Variants in ZNF846 observed in about 807,000 individuals in gnomAD.
ZNF846 encodes zinc finger protein 420 pseudogene.
In ZNF846, 15 loss-of-function variants were observed where a neutral mutation model predicts 16.0. The observed-to-expected ratio is 0.94, with a 90% CI of 0.63 to 1.45. The LOEUF (loss-of-function observed/expected upper bound fraction) is 1.45. Among genes scored for constraint, ZNF846 ranks in the 40% most tolerant of loss-of-function variants. The pLI, the probability that ZNF846 is intolerant of heterozygous loss-of-function variation, is 0.00. For missense variants in ZNF846, 714 were observed against 622.3 expected (o/e 1.15, Z -1.57); for synonymous variants, 229 against 212.0 (o/e 1.08, Z -0.70).
At chr19:9,757,776 G>T (rs552794847) in exon 6 of ZNF846, 4 of 1,613,596 alleles carry the variant, frequency 2.5e-6, no homozygotes, top group Non-Finnish European at 8.5e-7. Flanking sequence ...AAGGCCCGAG[G>T]ATTGAGTGAA....
chr19:9,757,424 G>T, downstream of ZNF846: 1 of 1,439,090 alleles, frequency 6.9e-7, no homozygotes, highest in Non-Finnish European at 9.3e-7. Context: ...ACCTTCCTAT[G>T]ATTTTTTTCC....
intron 1 of ZNF846, among the ~76,000 whole-genome samples, chr19:9,777,245 T>C (rs940738975): frequency 2.0e-5 from 3 of 151,740 alleles, no homozygotes; most frequent in Admixed American, 6.6e-5. Flanking sequence ...GGCAGGAGGA[T>C]TGCTTGAACC....
At chr19:9,766,702 C>T (rs572498158) in intron 1 of ZNF846, among the ~76,000 whole-genome samples, 14 of 151,310 alleles carry the variant, frequency 9.3e-5, no homozygotes, top group Non-Finnish European at 2.1e-4. Context: ...ATGGTGAAAC[C>T]CATCCTGGCC....
At chr19:9,775,010 G>A (rs2145298708) in intron 1 of ZNF846, 1 of 1,517,386 alleles carries the variant, frequency 6.6e-7, no homozygotes, top group East Asian at 2.3e-5. Flanking sequence ...CCCATGCAGT[G>A]CATTCAGACA....
At chr19:9,755,727 G>A (rs1375774971), downstream of ZNF846, 2 of 133,454 alleles carry the variant, frequency 1.5e-5, no homozygotes, top group Non-Finnish European at 3.2e-5. Context: ...GTGAACCCGG[G>A]AGGCGGAGCT....
At chr19:9,774,529 G>T in intron 1 of ZNF846, 1 of 1,328,780 alleles carries the variant, frequency 7.5e-7, no homozygotes, top group Non-Finnish European at 1.1e-6. Flanking sequence ...TTAAGAGCTT[G>T]AGGAAATCTG....
downstream of ZNF846, among the ~76,000 whole-genome samples, chr19:9,753,789 T>C (rs1415921234): frequency 1.3e-5 from 2 of 151,736 alleles, no homozygotes; most frequent in Non-Finnish European, 2.9e-5. Context: ...GTTTCAGTCT[T>C]TTACATTTCA....
chr19:9,754,274 G>T (rs937487728), downstream of ZNF846, among the ~76,000 whole-genome samples: 10 of 151,290 alleles, frequency 6.6e-5, no homozygotes, highest in South Asian at 6.2e-4. Flanking sequence ...TAGATCTAAA[G>T]CGAAGGATGG....
intron 1 of ZNF846, among the ~76,000 whole-genome samples, chr19:9,776,289 G>C (rs938570529): frequency 6.6e-6 from 1 of 152,202 alleles, no homozygotes; most frequent in Non-Finnish European, 1.5e-5. Flanking sequence ...GTTATCTGGA[G>C]GCCCAACCGT....
chr19:9,752,346 G>A (rs988832536), exon 6 of ZNF846: 18 of 226,920 alleles, frequency 7.9e-5, no homozygotes, highest in Admixed American at 2.6e-4. Flanking sequence ...GGTGGCTCAC[G>A]TCCATAATCC....
At chr19:9,753,573 T>C (rs1280038765), downstream of ZNF846, among the ~76,000 whole-genome samples, 1 of 151,556 alleles carries the variant, frequency 6.6e-6, no homozygotes, top group Non-Finnish European at 1.5e-5. Context: ...AAATTTAGAC[T>C]ACAGCAACAT....
upstream of ZNF846, among the ~76,000 whole-genome samples, chr19:9,771,216 A>G (rs890570614): frequency 6.6e-6 from 1 of 151,604 alleles, no homozygotes; most frequent in Non-Finnish European, 1.5e-5. Context: ...ATGGAGTCTC[A>G]TTCTGTTGCC....
At chr19:9,761,220 A>AACAC (rs1449863092) in intron 4 of ZNF846, among the ~76,000 whole-genome samples, 1 of 152,006 alleles carries the variant, frequency 6.6e-6, no homozygotes, top group African/African-American at 2.4e-5. Context: ...CAAACAAACA[A>AACAC]AGAAATGCCT....
At chr19:9,779,128 T>C (rs918336442) in intron 1 of ZNF846, among the ~76,000 whole-genome samples, 1 of 152,190 alleles carries the variant, frequency 6.6e-6, no homozygotes. Context: ...TGAGGGTAAA[T>C]AGTTGAATAG....
At chr19:9,758,712 A>G (rs1300063054) in exon 6 of ZNF846, 2 of 1,606,690 alleles carry the variant, frequency 1.2e-6, no homozygotes, top group Admixed American at 1.7e-5. Context: ...TTCATTGAAG[A>G]CTTTTCCAGA....
At chr19:9,752,084 G>A (rs1232121492), downstream of ZNF846, 1 of 151,818 alleles carries the variant, frequency 6.6e-6, no homozygotes, top group African/African-American at 2.4e-5. Flanking sequence ...ACATGCATGA[G>A]TCACCATGAC....
At position 9,785,343 on chromosome 19, in the gene ZNF846, G is replaced by A. The variant is rs1045694789; in HGVS notation, c.-86+595C>T. ...CTCCCCAGTAGCTGGGACTACAGGCGCCTGCCAGCATGCCCAGCTAATTTT... is the reference window on the plus strand; with the variant it reads ...CTCCCCAGTAGCTGGGACTACAGGCACCTGCCAGCATGCCCAGCTAATTTT... On this transcript the variant is annotated intron_variant, in intron 1 of 4. Transcript: ENST00000586814. Among the ~76,000 whole-genome samples, 5 of 151,730 alleles carry A rather than the reference G, an allele frequency of 3.3e-5. No individual in the cohort carries two copies. In the East Asian group the frequency reaches 7.7e-4, roughly 23 times the overall value.
intron 1 of ZNF846, among the ~76,000 whole-genome samples, chr19:9,766,616 G>GC (rs1172313014): frequency 6.6e-6 from 1 of 151,342 alleles, no homozygotes; most frequent in African/African-American, 2.4e-5. Context: ...GGTGGCTCAC[G>GC]CCTGTAATCC....
chr19:9,760,753 T>C (rs1252704796), intron 4 of ZNF846, among the ~76,000 whole-genome samples: 1 of 150,926 alleles, frequency 6.6e-6, no homozygotes, highest in Non-Finnish European at 1.5e-5. Context: ...TGAAAGAAGC[T>C]AGAGAGAAAA....
Sources: gnomAD v4.1 joint callset for allele counts (sites outside exome capture counted in the v4.1 genomes callset) on GRCh38, gnomAD v4.1.1 for gene constraint, MANE v1.5 for transcripts, NCBI Gene and HGNC (gene_info 2026-07-23, HGNC 2026-07-21) for gene names.